Variants in NXPE2 observed in about 807,000 individuals in gnomAD.
NXPE2 encodes the protein neurexophilin and PC-esterase domain family member 2.
NXPE2 carries 34 observed loss-of-function variants against 34.4 expected under a neutral mutation model. The ratio of observed to expected loss-of-function variants is 0.99; its 90% CI spans 0.75 to 1.31. NXPE2 has a LOEUF of 1.31. NXPE2 is among the 40% of genes most tolerant of loss of function. The pLI is 0.00. For synonymous variants in NXPE2, 235 were observed against 231.3 expected, an observed-to-expected ratio of 1.02 and a Z score of -0.15; for missense variants, 649 against 672.5, an observed-to-expected ratio of 0.97 and a Z score of 0.39.
At chr11:114,664,449 C>CAA in the NXPE2 span, among the ~76,000 whole-genome samples, 9 of 150,968 alleles carry the variant, frequency 6.0e-5, no homozygotes, top group Non-Finnish European at 1.0e-4. Flanking sequence ...CAACTGTAAA[C>CAA]AAAAAAAAAT....
At chr11:114,629,808 G>A in the NXPE2 span, among the ~76,000 whole-genome samples, 1 of 150,690 alleles carries the variant, frequency 6.6e-6, no homozygotes, top group African/African-American at 2.4e-5. Context: ...AAGCTGATAA[G>A]CAACTTCAGC....
At chr11:114,697,319 A>G (rs926421351) in intron 2 of NXPE2, among the ~76,000 whole-genome samples, 1 of 152,204 alleles carries the variant, frequency 6.6e-6, no homozygotes, top group Non-Finnish European at 1.5e-5. Flanking sequence ...AGAGATTGAA[A>G]TAAGCTGTCT....
chr11:114,553,692 A>ATTC, the NXPE2 span: 8 of 983,950 alleles, frequency 8.1e-6, no homozygotes, highest in Non-Finnish European at 9.7e-6. Flanking sequence ...TCTCACCTAG[A>ATTC]TTCTACTCCT....
At chr11:114,750,666 G>C in the NXPE2 span, among the ~76,000 whole-genome samples, 2 of 152,130 alleles carry the variant, frequency 1.3e-5, no homozygotes, top group African/African-American at 4.8e-5. Context: ...TTCCCCTTGA[G>C]TGCCAGCTTC....
the NXPE2 span, among the ~76,000 whole-genome samples, chr11:114,519,029 T>C: frequency 6.6e-6 from 1 of 152,172 alleles, no homozygotes; most frequent in Non-Finnish European, 1.5e-5. Flanking sequence ...CCTTTTCTTA[T>C]AAGACCACAA....
chr11:114,584,912 C>A, the NXPE2 span, among the ~76,000 whole-genome samples: 1 of 152,094 alleles, frequency 6.6e-6, no homozygotes, highest in African/African-American at 2.4e-5. Context: ...CTCTGCAGGT[C>A]TTAACTCTGA....
downstream of NXPE2, among the ~76,000 whole-genome samples, chr11:114,709,817 G>A (rs60753853): frequency 2.6e-5 from 4 of 151,804 alleles, no homozygotes; most frequent in African/African-American, 9.7e-5. Context: ...CAGGAGAATC[G>A]CTTGAACCCG....
chr11:114,581,020 T>G, the NXPE2 span, among the ~76,000 whole-genome samples: 1 of 152,344 alleles, frequency 6.6e-6, no homozygotes, highest in South Asian at 2.1e-4. Flanking sequence ...TGTACTCATG[T>G]ATGTGTGGTA....
the NXPE2 span, among the ~76,000 whole-genome samples, chr11:114,767,580 G>A: frequency 2.0e-5 from 3 of 152,200 alleles, no homozygotes; most frequent in Admixed American, 6.5e-5. Flanking sequence ...GTGGAGACCA[G>A]ATTTTATTTT....
the NXPE2 span, among the ~76,000 whole-genome samples, chr11:114,647,154 G>A: frequency 4.6e-5 from 7 of 152,180 alleles, no homozygotes; most frequent in Non-Finnish European, 1.0e-4. Flanking sequence ...GCTAATTACA[G>A]TGATTCTCAT....
the NXPE2 span, among the ~76,000 whole-genome samples, chr11:114,631,013 G>A: frequency 6.6e-6 from 1 of 151,228 alleles, no homozygotes; most frequent in African/African-American, 2.4e-5. Context: ...TCATTAAAAA[G>A]TCAGGAAACA....
At chr11:114,668,771 G>A in the NXPE2 span, among the ~76,000 whole-genome samples, 1 of 152,094 alleles carries the variant, frequency 6.6e-6, no homozygotes, top group East Asian at 1.9e-4. Context: ...CCAACTATTA[G>A]GACAGCATTT....
the NXPE2 span, among the ~76,000 whole-genome samples, chr11:114,769,649 A>T: frequency 6.6e-6 from 1 of 152,208 alleles, no homozygotes; most frequent in Non-Finnish European, 1.5e-5. Context: ...GGATGGGTTC[A>T]TGTCCTTTGC....
At chr11:114,551,282 T>G in the NXPE2 span, 3 of 1,321,522 alleles carry the variant, frequency 2.3e-6, no homozygotes, top group African/African-American at 4.5e-5. Flanking sequence ...ATTTTATTTA[T>G]AACTTGTAAT....
the NXPE2 span, among the ~76,000 whole-genome samples, chr11:114,611,970 C>T: frequency 4.6e-5 from 7 of 151,864 alleles, no homozygotes; most frequent in Admixed American, 2.0e-4. Context: ...AGTATTGCCT[C>T]GTGGGTAACC....
chr11:114,500,979 T>C, the NXPE2 span, among the ~76,000 whole-genome samples: 1 of 152,216 alleles, frequency 6.6e-6, no homozygotes, highest in South Asian at 2.1e-4. Flanking sequence ...TACTTGCAGT[T>C]TGAAGCTTCT....
chr11:114,717,332 G>T, the NXPE2 span, among the ~76,000 whole-genome samples: 1 of 152,146 alleles, frequency 6.6e-6, no homozygotes, highest in Non-Finnish European at 1.5e-5. Flanking sequence ...AGTTTTTGTT[G>T]TGTAAATACT....
rs67132329 is a variant in NXPE2 at position 114,695,830 on chromosome 11, A to AACACACACACACACACACACAC, written c.133-2199_133-2178dup. Among the ~76,000 whole-genome samples, 1,268 of 132,562 alleles carry AACACACACACACACACACACAC rather than the reference A, an allele frequency of 9.6e-3. 20 individuals are homozygous for AACACACACACACACACACACAC. Among genetic ancestry groups the AACACACACACACACACACACAC allele is most frequent in the South Asian group, 0.013 (46 of 3,554 alleles). 87.0% of individuals were successfully genotyped at this position (132,562 alleles called of 152,430 possible). A position where few individuals can be genotyped will look rare whatever the true frequency, so the allele number is the denominator to read the frequency against. Reference sequence around the variant, plus strand: ...ACATGGTGAAAGAACGTCTCTACTAAACACACACACACACACACACACACA... The same window carrying AACACACACACACACACACACAC: ...ACATGGTGAAAGAACGTCTCTACTAAACACACACACACACACACACACACACACACACACACACACACACACA... On this transcript the variant is annotated intron_variant, in intron 2 of 5. Coordinates refer to ENST00000389586, the MANE Select transcript of NXPE2 (RefSeq NM_182495.6).
At chr11:114,766,632 C>CT in the NXPE2 span, among the ~76,000 whole-genome samples, 223 of 151,882 alleles carry the variant, frequency 1.5e-3, no homozygotes, top group Middle Eastern at 0.01. Flanking sequence ...CTCTTTTCCT[C>CT]TTTTTTTTCC....
Sources: allele counts gnomAD v4.1 joint callset (sites outside exome capture counted in the v4.1 genomes callset), GRCh38; gene constraint gnomAD v4.1.1; transcripts MANE v1.5; gene names NCBI Gene and HGNC (gene_info 2026-07-23, HGNC 2026-07-21).